MDN1: variants seen among roughly 807,000 people sequenced by gnomAD.
MDN1 encodes midasin AAA ATPase 1.
A neutral mutation model predicts 669.2 loss-of-function variants in MDN1; 266 were observed. That is an observed-to-expected ratio of 0.40 (90% CI 0.36 to 0.44). The LOEUF (loss-of-function observed/expected upper bound fraction) is 0.44. Ranked by LOEUF, MDN1 falls within the 20% of genes least tolerant of loss-of-function variation. The pLI, the probability that MDN1 is intolerant of heterozygous loss-of-function variation, is 1.00. For missense variants in MDN1, 5,940 were observed against 6,754.0 expected, an observed-to-expected ratio of 0.88 and a Z score of 4.22; for synonymous variants, 2,385 against 2,457.1, an observed-to-expected ratio of 0.97 and a Z score of 0.87.
rs1234912549 is a variant in MDN1 at position 89,643,991 on chromosome 6, CTCT to C, written c.*11_*13del. ...GACCACAGTTAAGTCTCACTTTGGA[CTCT>C]TCTTTCTGTTCTATGGGTGGTCAGA... On this transcript the variant is annotated 3_prime_UTR_variant, in exon 102 of 102. Coordinates refer to ENST00000369393, the MANE Select transcript of MDN1 (RefSeq NM_014611.3). 1 of 1,588,572 alleles carries C rather than the reference CTCT, an allele frequency of 6.3e-7. No individual in the cohort carries two copies. The highest frequency in any genetic ancestry group is 8.6e-7 in the Non-Finnish European group (1 of 1,168,060).
chr6:89,646,670 T>A, intron 99 of MDN1, 67 bp from the exon 100 acceptor site: 1 of 1,346,290 alleles, frequency 7.4e-7, no homozygotes, highest in African/African-American at 1.4e-5. Flanking sequence ...TCAAAGAGAC[T>A]GATAGTATTT....
intron 73 of MDN1, among the ~76,000 whole-genome samples, chr6:89,681,697 TCA>T (rs935231073): frequency 6.6e-6 from 1 of 152,214 alleles, no homozygotes; most frequent in African/African-American, 2.4e-5. Flanking sequence ...GGCTGTATGC[TCA>T]GTTTCTATTA....
intron 51 of MDN1, among the ~76,000 whole-genome samples, chr6:89,707,748 G>A (rs1460144233): frequency 1.3e-5 from 2 of 152,220 alleles, no homozygotes; most frequent in African/African-American, 4.8e-5. Context: ...ACTCTTCAAA[G>A]TGGCCATGGT....
intron 30 of MDN1, 25 bp downstream of exon 30, chr6:89,743,551 C>A: frequency 6.2e-7 from 1 of 1,604,778 alleles, no homozygotes; most frequent in Admixed American, 1.7e-5. Context: ...TTTAAAATAA[C>A]AGGAACACTT....
intron 36 of MDN1, among the ~76,000 whole-genome samples, chr6:89,728,556 C>T (rs1032264856): frequency 5.3e-5 from 8 of 152,144 alleles, no homozygotes; most frequent in Non-Finnish European, 1.2e-4. Flanking sequence ...ACAGGCCAGG[C>T]GCCATGGCTT....
At chr6:89,816,165 C>T (rs1380990110) in intron 1 of MDN1, among the ~76,000 whole-genome samples, 1 of 151,934 alleles carries the variant, frequency 6.6e-6, no homozygotes, top group Admixed American at 6.6e-5. Flanking sequence ...TTTGGGAGGC[C>T]GACGCGGGTG....
At chr6:89,790,071 A>G in intron 6 of MDN1, 88 bp downstream of exon 6, 1 of 1,595,680 alleles carries the variant, frequency 6.3e-7, no homozygotes, top group Non-Finnish European at 8.6e-7. Flanking sequence ...ACCAATAACT[A>G]TTGTTATATT....
At chr6:89,770,197 A>G (rs1201154206) in intron 15 of MDN1, among the ~76,000 whole-genome samples, 1 of 152,150 alleles carries the variant, frequency 6.6e-6, no homozygotes, top group Non-Finnish European at 1.5e-5. Context: ...CAAGGTCAAG[A>G]GATGGAGACC....
At position 89,653,037 on chromosome 6, in the gene MDN1, A is replaced by G; in HGVS notation, c.15780T>C (p.Ser5260=). The G allele has an allele frequency of 1.2e-6, 2 of 1,614,180 alleles. No homozygotes were observed. The highest frequency in any genetic ancestry group is 1.7e-6 in the Non-Finnish European group (2 of 1,180,018). The change falls in exon 94 of 102, where the codon TCT becomes TCC. Residue 5260 remains serine, a synonymous_variant. Coordinates refer to ENST00000369393, the MANE Select transcript of MDN1 (RefSeq NM_014611.3). ...ENEKPERSRE[S]TIHTAHQFLM... ...GGAATTGATGAGCTGTATGAATGGTAGACTCTCGGCTTCTTTCTGGTTTCT... is the reference window on the plus strand; with the variant it reads ...GGAATTGATGAGCTGTATGAATGGTGGACTCTCGGCTTCTTTCTGGTTTCT...
At chr6:89,810,751 A>T (rs909224976) in intron 1 of MDN1, among the ~76,000 whole-genome samples, 7 of 150,644 alleles carry the variant, frequency 4.6e-5, no homozygotes, top group Middle Eastern at 3.4e-3. Flanking sequence ...TAATTCCAGC[A>T]CTCTCGGAGG....
chr6:89,728,683 T>G (rs897572713), intron 36 of MDN1, among the ~76,000 whole-genome samples: 10 of 151,990 alleles, frequency 6.6e-5, no homozygotes, highest in African/African-American at 2.2e-4. Context: ...ATACAAAAAT[T>G]AGCTAGGTGT....
intron 2 of MDN1, among the ~76,000 whole-genome samples, chr6:89,795,880 G>A (rs974279858): frequency 4.6e-5 from 7 of 152,054 alleles, no homozygotes; most frequent in African/African-American, 1.4e-4. Flanking sequence ...GCTTGAACCC[G>A]GGAAGCGGAG....
chr6:89,678,794 G>A, intron 74 of MDN1, 49 bp from the exon 75 acceptor site: 1 of 1,575,656 alleles, frequency 6.3e-7, no homozygotes, highest in Admixed American at 1.8e-5. Flanking sequence ...AAAATCCCAG[G>A]GGTCTGGTAA....
At chr6:89,651,439 A>AC (rs1052280201) in intron 95 of MDN1, among the ~76,000 whole-genome samples, 5 of 151,912 alleles carry the variant, frequency 3.3e-5, no homozygotes, top group African/African-American at 1.2e-4. Context: ...ACATGGTGAA[A>AC]CCCCGTCTCT....
chr6:89,671,992 C>G (rs1810814032), intron 82 of MDN1, among the ~76,000 whole-genome samples: 1 of 152,184 alleles, frequency 6.6e-6, no homozygotes, highest in South Asian at 2.1e-4. Flanking sequence ...CATTTCTGCA[C>G]CTATGCATCT....
At chr6:89,803,207 A>G in intron 2 of MDN1, 121 bp downstream of exon 2, 1 of 834,446 alleles carries the variant, frequency 1.2e-6, no homozygotes. Flanking sequence ...AAACAATACT[A>G]TTTATCTCTC....
At chr6:89,648,824 A>AAC (rs1554164688) in intron 97 of MDN1, among the ~76,000 whole-genome samples, 26 of 151,284 alleles carry the variant, frequency 1.7e-4, no homozygotes, top group African/African-American at 6.3e-4. Flanking sequence ...AAAAAAAAAA[A>AAC]AAAAAACAAT....
In MDN1 at chr6:89,819,741, T is replaced by A. The variant is rs1769134772; in HGVS notation, c.-134A>T. The A allele has an allele frequency of 4.3e-6, 3 of 691,008 alleles. No individual in the cohort carries two copies. The highest frequency in any genetic ancestry group is 4.7e-5 in the Admixed American group (2 of 42,646). 42.8% of individuals were successfully genotyped at this position (691,008 alleles called of 1,614,324 possible). ...GAAAGGCGTCCTCAGCTCCAGCGCCTACACCGGGAGAGGGGCACCACACGT... is the reference window on the plus strand; with the variant it reads ...GAAAGGCGTCCTCAGCTCCAGCGCCAACACCGGGAGAGGGGCACCACACGT... On this transcript the variant is annotated 5_prime_UTR_variant, in exon 1 of 102. An upstream open reading frame in the 5' UTR loses its in-frame stop. Transcript: ENST00000369393.
At chr6:89,783,647 A>AC in intron 9 of MDN1, among the ~76,000 whole-genome samples, 2 of 151,720 alleles carry the variant, frequency 1.3e-5, no homozygotes, top group South Asian at 4.2e-4. Context: ...CTGTTCTTAC[A>AC]CCCCCTCCCC....
Sources: gnomAD v4.1 joint callset for allele counts (sites outside exome capture counted in the v4.1 genomes callset) on GRCh38, gnomAD v4.1.1 for gene constraint, MANE v1.5 for transcripts, NCBI Gene and HGNC (gene_info 2026-07-23, HGNC 2026-07-21) for gene names.